The following TMEM178B variants were observed in gnomAD, a reference collection of about 807,000 sequenced individuals.
The protein encoded by TMEM178B is transmembrane protein 178B.
TMEM178B carries 5 observed loss-of-function variants against 31.0 expected under a neutral mutation model. The observed-to-expected ratio is 0.16, with a 90% CI of 0.08 to 0.34. The LOEUF is 0.34. Ranked by LOEUF, TMEM178B falls within the 10% of genes least tolerant of loss-of-function variation. The pLI is 1.00. For synonymous variants in TMEM178B, 164 were observed against 164.0 expected, an observed-to-expected ratio of 1.00 and a Z score of 0.00; for missense variants, 275 against 400.3, an observed-to-expected ratio of 0.69 and a Z score of 2.67.
At chr7:141,217,417 G>A (rs1797174806) in intron 2 of TMEM178B, among the ~76,000 whole-genome samples, 1 of 152,210 alleles carries the variant, frequency 6.6e-6, no homozygotes, top group African/African-American at 2.4e-5. Flanking sequence ...ATGGGAAGAT[G>A]TCGCTGAGAG....
chr7:141,090,562 C>G (rs1363598217), intron 1 of TMEM178B, among the ~76,000 whole-genome samples: 1 of 152,202 alleles, frequency 6.6e-6, no homozygotes, highest in Non-Finnish European at 1.5e-5. Context: ...GCAGACTGTG[C>G]TTTCTGTAAT....
intron 2 of TMEM178B, among the ~76,000 whole-genome samples, chr7:141,322,363 T>TAA (rs57989369): frequency 1.5e-5 from 2 of 134,424 alleles, no homozygotes. Flanking sequence ...CCCATCTTAC[T>TAA]AAAAAAAAAA....
chr7:141,257,004 A>T (rs1185345455), intron 2 of TMEM178B, among the ~76,000 whole-genome samples: 2 of 152,186 alleles, frequency 1.3e-5, no homozygotes, highest in African/African-American at 2.4e-5. Flanking sequence ...GTGCTGGACG[A>T]GATCACCTTC....
At chr7:141,079,811 A>G (rs1794654616) in intron 1 of TMEM178B, among the ~76,000 whole-genome samples, 1 of 152,130 alleles carries the variant, frequency 6.6e-6, no homozygotes, top group Non-Finnish European at 1.5e-5. Flanking sequence ...TAATAACCCT[A>G]GGAAGTATAA....
At position 141,212,587 on chromosome 7, in the gene TMEM178B, C is replaced by T. The variant is rs977161095; in HGVS notation, c.383-4C>T. The T allele has an allele frequency of 7.8e-6, 12 of 1,535,366 alleles. No individual in the cohort carries two copies. In the African/African-American group the frequency reaches 1.5e-4, roughly 19 times the overall value. On this transcript the variant is annotated splice_region_variant and splice_polypyrimidine_tract_variant and intron_variant, in intron 1 of 3. Transcript: ENST00000565468. The stretch of plus-strand genomic sequence containing the variant: ...ACATTTTGTTTCCTGTTTCTCTTTT[C>T]TAGGAGAAATTGAGCGATGTACGTA...
intron 2 of TMEM178B, among the ~76,000 whole-genome samples, chr7:141,229,072 T>C (rs1216832419): frequency 1.4e-5 from 2 of 145,944 alleles, no homozygotes; most frequent in African/African-American, 5.2e-5. Context: ...TGACTAGGGA[T>C]TTTTTTTGCA....
chr7:141,346,261 C>A (rs1490806094), intron 2 of TMEM178B, among the ~76,000 whole-genome samples: 1 of 151,888 alleles, frequency 6.6e-6, no homozygotes, highest in Non-Finnish European at 1.5e-5. Flanking sequence ...AACAAAAAAA[C>A]CTCTTTACCC....
intron 2 of TMEM178B, among the ~76,000 whole-genome samples, chr7:141,294,601 A>G (rs185679976): frequency 1.3e-5 from 2 of 152,342 alleles, no homozygotes; most frequent in Non-Finnish European, 2.9e-5. Context: ...ACATGGGGAA[A>G]ACAAGCTGAG....
intron 2 of TMEM178B, among the ~76,000 whole-genome samples, chr7:141,421,165 T>G (rs1801202706): frequency 6.6e-6 from 1 of 152,186 alleles, no homozygotes; most frequent in African/African-American, 2.4e-5. Context: ...ACATCCTTGC[T>G]TATATGTGGA....
At chr7:141,170,584 T>C (rs1796332309) in intron 1 of TMEM178B, among the ~76,000 whole-genome samples, 1 of 152,224 alleles carries the variant, frequency 6.6e-6, no homozygotes, top group African/African-American at 2.4e-5. Context: ...AGGTCAGCTG[T>C]TACCGATGGT....
intron 2 of TMEM178B, among the ~76,000 whole-genome samples, chr7:141,224,793 G>A (rs1322803742): frequency 6.6e-6 from 1 of 152,198 alleles, no homozygotes. Flanking sequence ...ATGTGGGTGC[G>A]ATGACACCCC....
chr7:141,121,827 C>T (rs1482560183), intron 1 of TMEM178B, among the ~76,000 whole-genome samples: 1 of 152,104 alleles, frequency 6.6e-6, no homozygotes, highest in Non-Finnish European at 1.5e-5. Context: ...GATGAATCTC[C>T]CTTCTTTTTA....
At chr7:141,161,776 AGTGT>A (rs1172518596) in intron 1 of TMEM178B, among the ~76,000 whole-genome samples, 2 of 151,390 alleles carry the variant, frequency 1.3e-5, no homozygotes, top group East Asian at 1.9e-4. Flanking sequence ...TGTGTGTGAC[AGTGT>A]GTGTGTTTGT....
chr7:141,157,780 TGATAA>T (rs1315785247), intron 1 of TMEM178B, among the ~76,000 whole-genome samples: 1 of 152,194 alleles, frequency 6.6e-6, no homozygotes, highest in Non-Finnish European at 1.5e-5. Context: ...CACATCATGG[TGATAA>T]GATGTTAGTT....
chr7:141,322,037 C>T (rs1015926151), intron 2 of TMEM178B, among the ~76,000 whole-genome samples: 3 of 152,118 alleles, frequency 2.0e-5, no homozygotes, highest in Admixed American at 6.5e-5. Context: ...TCAAGTTAGA[C>T]GCTTACAGAT....
intron 2 of TMEM178B, among the ~76,000 whole-genome samples, chr7:141,225,608 C>T (rs1468295077): frequency 6.6e-6 from 1 of 152,200 alleles, no homozygotes; most frequent in Non-Finnish European, 1.5e-5. Context: ...GAATGGAATT[C>T]ATTGCAAAGC....
rs538225601 is a variant in TMEM178B at position 141,085,737 on chromosome 7, G to A, written c.382+11045G>A. Among the ~76,000 whole-genome samples, 101 of 152,100 alleles carry A rather than the reference G, an allele frequency of 6.6e-4. 1 individual carries two copies. Among genetic ancestry groups the A allele is most frequent in the Middle Eastern group, 6.8e-3 (2 of 294 alleles). ...GCCTGGAGTATTCACAGGCCTGGAT[G>A]GGCTAGGGTTGTTTTTACCTGAAAG... On this transcript the variant is annotated intron_variant, in intron 1 of 3. Coordinates refer to ENST00000565468, the MANE Select transcript of TMEM178B (RefSeq NM_001195278.2).
chr7:141,330,545 G>A (rs1277847600), intron 2 of TMEM178B, among the ~76,000 whole-genome samples: 1 of 152,102 alleles, frequency 6.6e-6, no homozygotes, highest in Non-Finnish European at 1.5e-5. Context: ...TTAATTGGAG[G>A]GTAATGTGAT....
chr7:141,213,236 G>A (rs1797077349), intron 2 of TMEM178B, among the ~76,000 whole-genome samples: 2 of 152,194 alleles, frequency 1.3e-5, no homozygotes, highest in Admixed American at 1.3e-4. Context: ...TTGGAACCTT[G>A]GTTCATGTGC....
Sources: allele counts gnomAD v4.1 joint callset (sites outside exome capture counted in the v4.1 genomes callset), GRCh38; gene constraint gnomAD v4.1.1; transcripts MANE v1.5; gene names NCBI Gene and HGNC (gene_info 2026-07-23, HGNC 2026-07-21).